PLXNA4: variants seen among roughly 807,000 people sequenced by gnomAD.
PLXNA4 encodes plexin-A4.
In PLXNA4, 44 loss-of-function variants were observed where a neutral mutation model predicts 191.8. The observed-to-expected ratio is 0.23, with a 90% CI of 0.18 to 0.29. The LOEUF (loss-of-function observed/expected upper bound fraction) is 0.29, where lower values mean the gene tolerates loss of function less well. Among genes scored for constraint, PLXNA4 ranks in the 10% least tolerant of loss-of-function variants. The pLI is 1.00. For missense variants in PLXNA4, 1,800 were observed against 2,488.8 expected (o/e 0.72, Z 5.89); for synonymous variants, 1,082 against 1,009.5 (o/e 1.07, Z -1.36).
At chr7:132,282,703 G>C (rs1326129818) in intron 4 of PLXNA4, among the ~76,000 whole-genome samples, 2 of 139,692 alleles carry the variant, frequency 1.4e-5, no homozygotes, top group African/African-American at 5.3e-5. Context: ...CTTCATCGGA[G>C]AGTGTTCCTT....
At chr7:132,165,387 T>C (rs772382088) in intron 22 of PLXNA4, among the ~76,000 whole-genome samples, 187 bp from the exon 23 acceptor site, 5 of 152,176 alleles carry the variant, frequency 3.3e-5, no homozygotes, top group Non-Finnish European at 7.3e-5. Flanking sequence ...CCCATAATGG[T>C]AAGACAAGCT....
At chr7:132,565,713 C>A (rs1801691093) in intron 1 of PLXNA4, among the ~76,000 whole-genome samples, 1 of 152,110 alleles carries the variant, frequency 6.6e-6, no homozygotes, top group Non-Finnish European at 1.5e-5. Context: ...ACCTGTCTTC[C>A]TCCCAAAGCT....
At chr7:132,606,061 G>A (rs1802918146) in intron 2 of PLXNA4, among the ~76,000 whole-genome samples, 1 of 152,198 alleles carries the variant, frequency 6.6e-6, no homozygotes, top group Non-Finnish European at 1.5e-5. Context: ...CTACAAGGGA[G>A]GCTGAGGCAC....
chr7:132,153,338 C>T (rs1376539418), intron 25 of PLXNA4, among the ~76,000 whole-genome samples: 1 of 152,008 alleles, frequency 6.6e-6, no homozygotes, highest in Non-Finnish European at 1.5e-5. Flanking sequence ...GCCAAGGTGT[C>T]TGGAGCTGAG....
chr7:132,275,612 A>T (rs979416929), intron 4 of PLXNA4, among the ~76,000 whole-genome samples: 1 of 152,190 alleles, frequency 6.6e-6, no homozygotes, highest in Non-Finnish European at 1.5e-5. Context: ...TTGCTGTTTT[A>T]TCACAGAGAA....
chr7:132,187,753 T>C, intron 14 of PLXNA4, 146 bp from the exon 15 acceptor site: 2 of 1,410,290 alleles, frequency 1.4e-6, no homozygotes, highest in Non-Finnish European at 1.9e-6. Context: ...GGCAGTTCTC[T>C]TAGGCTTGCG....
At chr7:132,527,018 C>T (rs539836822) in intron 1 of PLXNA4, among the ~76,000 whole-genome samples, 10 of 152,300 alleles carry the variant, frequency 6.6e-5, no homozygotes, top group Non-Finnish European at 1.3e-4. Context: ...ATTTATTTCA[C>T]TTTTATCACC....
At chr7:132,434,618 T>A (rs1795398172) in intron 3 of PLXNA4, among the ~76,000 whole-genome samples, 1 of 152,234 alleles carries the variant, frequency 6.6e-6, no homozygotes, top group Non-Finnish European at 1.5e-5. Context: ...CCATCTGCTA[T>A]CTCTTTTTAG....
intron 3 of PLXNA4, among the ~76,000 whole-genome samples, chr7:132,456,634 G>A (rs764331924): frequency 3.9e-5 from 6 of 152,068 alleles, no homozygotes; most frequent in Admixed American, 6.5e-5. Context: ...GCTGCGAACC[G>A]GCAGCCACTG....
chr7:132,422,244 C>T (rs1450782261), intron 3 of PLXNA4, among the ~76,000 whole-genome samples: 1 of 152,174 alleles, frequency 6.6e-6, no homozygotes, highest in African/African-American at 2.4e-5. Context: ...TGACTTCCTG[C>T]AGAACAATGG....
At position 132,453,408 on chromosome 7, in the gene PLXNA4, T is replaced by C. The variant is rs1348375472; in HGVS notation, c.1371+35884A>G. On this transcript the variant is annotated intron_variant, in intron 3 of 31. Transcript: ENST00000321063. ...AAATACCCCTTTTTGGATCCCACCCTAGCTCTATTGACTCAGAAACTATAG... is the reference window on the plus strand; with the variant it reads ...AAATACCCCTTTTTGGATCCCACCCCAGCTCTATTGACTCAGAAACTATAG... Among the ~76,000 whole-genome samples the C allele has an allele frequency of 2.6e-5, 4 of 152,146 alleles. 1 individual carries two copies. Among genetic ancestry groups the C allele is most frequent in the South Asian group, 2.1e-4 (1 of 4,822 alleles).
At chr7:132,174,634 C>G (rs1796395446) in intron 21 of PLXNA4, 144 bp downstream of exon 21, 1 of 1,282,464 alleles carries the variant, frequency 7.8e-7, no homozygotes, top group Admixed American at 2.2e-5. Flanking sequence ...GAGGGATGGA[C>G]TGGTGCTGAC....
At chr7:132,204,553 T>A (rs1025617100) in intron 10 of PLXNA4, among the ~76,000 whole-genome samples, 1 of 152,140 alleles carries the variant, frequency 6.6e-6, no homozygotes, top group African/African-American at 2.4e-5. Flanking sequence ...CTACAGGCTG[T>A]TTTAATTCAA....
At chr7:132,151,609 A>G in intron 25 of PLXNA4, among the ~76,000 whole-genome samples, 1 of 132,162 alleles carries the variant, frequency 7.6e-6, no homozygotes, top group Non-Finnish European at 1.6e-5. Flanking sequence ...AGGGAGAGGG[A>G]GGGGGAGAAG....
chr7:132,318,450 C>T (rs574730027), intron 3 of PLXNA4, among the ~76,000 whole-genome samples: 15 of 152,256 alleles, frequency 9.9e-5, no homozygotes, highest in African/African-American at 3.6e-4. Flanking sequence ...CTTCTCCAGC[C>T]TCCTGGCTTC....
At chr7:132,397,158 G>A (rs191545362) in intron 3 of PLXNA4, among the ~76,000 whole-genome samples, 7 of 152,310 alleles carry the variant, frequency 4.6e-5, no homozygotes, top group South Asian at 2.1e-4. Context: ...AGATAAAAGC[G>A]CAGGAACCAG....
intron 10 of PLXNA4, among the ~76,000 whole-genome samples, chr7:132,207,819 C>A (rs1797675515): frequency 6.6e-6 from 1 of 152,222 alleles, no homozygotes; most frequent in Non-Finnish European, 1.5e-5. Context: ...CTCTTTGAGG[C>A]TGATCAGACT....
At chr7:132,132,473 C>CTCTGT (rs1234318043) in intron 31 of PLXNA4, among the ~76,000 whole-genome samples, 2 of 53,054 alleles carry the variant, frequency 3.8e-5, no homozygotes, top group African/African-American at 1.5e-4. Context: ...TTCTGCTCTG[C>CTCTGT]TCTGCTCTGC....
chr7:132,385,749 C>T (rs1178857011), intron 3 of PLXNA4, among the ~76,000 whole-genome samples: 1 of 150,584 alleles, frequency 6.6e-6, no homozygotes, highest in African/African-American at 2.5e-5. Flanking sequence ...CACATGGATG[C>T]ACACACACAC....
Sources: gnomAD v4.1 joint callset for allele counts (sites outside exome capture counted in the v4.1 genomes callset) on GRCh38, gnomAD v4.1.1 for gene constraint, MANE v1.5 for transcripts, NCBI Gene and HGNC (gene_info 2026-07-23, HGNC 2026-07-21) for gene names.